Variants in NXPE2 observed in about 807,000 individuals in gnomAD.
NXPE2 encodes neurexophilin and PC-esterase domain family member 2.
A neutral mutation model predicts 34.4 loss-of-function variants in NXPE2; 34 were observed. The observed-to-expected ratio is 0.99, with a 90% CI of 0.75 to 1.31. The LOEUF is 1.31. NXPE2 is among the 40% of genes most tolerant of loss of function. NXPE2 has a pLI of 0.00. For missense variants in NXPE2, 649 were observed against 672.5 expected (o/e 0.97, Z 0.39); for synonymous variants, 235 against 231.3 (o/e 1.02, Z -0.15).
At chr11:114,725,976 A>AAAATATATATATATATATATATATAT in the NXPE2 span, among the ~76,000 whole-genome samples, 40 of 101,706 alleles carry the variant, frequency 3.9e-4, 1 homozygote, top group East Asian at 1.8e-3. Context: ...ATAAAAAAAA[A>AAAATATATATATATATATATATATAT]ATATATATAT....
At chr11:114,580,424 C>A in the NXPE2 span, 3 of 1,085,990 alleles carry the variant, frequency 2.8e-6, no homozygotes, top group Non-Finnish European at 4.2e-6. Flanking sequence ...CTCTAAGTAT[C>A]CTAAGAGGGG....
intron 2 of NXPE2, among the ~76,000 whole-genome samples, chr11:114,688,713 C>G (rs1377011246): frequency 6.6e-6 from 1 of 151,930 alleles, no homozygotes; most frequent in Non-Finnish European, 1.5e-5. Context: ...TCCATGTAAT[C>G]CAGGGCTTTT....
the NXPE2 span, among the ~76,000 whole-genome samples, chr11:114,639,742 T>A: frequency 0.18 from 21,176 of 116,894 alleles, 2,473 homozygotes; most frequent in Non-Finnish European, 0.22. Context: ...TATAAAATAA[T>A]ATATAATATA....
the NXPE2 span, among the ~76,000 whole-genome samples, chr11:114,667,955 CA>C: frequency 6.6e-6 from 1 of 151,748 alleles, no homozygotes; most frequent in Non-Finnish European, 1.5e-5. Flanking sequence ...AACTAATACA[CA>C]GAGGATACAG....
At chr11:114,643,230 T>C in the NXPE2 span, among the ~76,000 whole-genome samples, 6 of 152,142 alleles carry the variant, frequency 3.9e-5, no homozygotes, top group Admixed American at 3.9e-4. Flanking sequence ...GATGATAGTT[T>C]CTTTTGCTGT....
chr11:114,632,712 A>T, the NXPE2 span, among the ~76,000 whole-genome samples: 4 of 74,468 alleles, frequency 5.4e-5, no homozygotes, highest in Non-Finnish European at 6.8e-5. Flanking sequence ...ATAATATAAT[A>T]TAATATATAT....
the NXPE2 span, among the ~76,000 whole-genome samples, chr11:114,637,698 T>C: frequency 2.0e-5 from 3 of 151,050 alleles, no homozygotes; most frequent in Non-Finnish European, 4.4e-5. Context: ...GTCTGTAAAG[T>C]ATTGTATTTC....
chr11:114,583,315 T>C, the NXPE2 span: 1 of 625,150 alleles, frequency 1.6e-6, no homozygotes, highest in South Asian at 1.6e-5. Context: ...GTGTTGGAAA[T>C]TACTATTATG....
At chr11:114,607,423 G>A in the NXPE2 span, among the ~76,000 whole-genome samples, 1 of 151,770 alleles carries the variant, frequency 6.6e-6, no homozygotes, top group South Asian at 2.1e-4. Flanking sequence ...TGGATAATAT[G>A]TATTTCCTCG....
chr11:114,478,587 C>G, the NXPE2 span, among the ~76,000 whole-genome samples: 292 of 152,200 alleles, frequency 1.9e-3, no homozygotes, highest in African/African-American at 6.8e-3. Flanking sequence ...AAGTATATTT[C>G]TGTTCATTTG....
At chr11:114,580,976 A>G in the NXPE2 span, among the ~76,000 whole-genome samples, 2 of 152,296 alleles carry the variant, frequency 1.3e-5, no homozygotes, top group Non-Finnish European at 2.9e-5. Context: ...ATCAACTGAG[A>G]GAAGTAGTTT....
chr11:114,493,755 G>A, the NXPE2 span, among the ~76,000 whole-genome samples: 34 of 151,782 alleles, frequency 2.2e-4, no homozygotes, highest in East Asian at 5.2e-3. Context: ...CTACAATTAC[G>A]GTGTTATAAT....
the NXPE2 span, among the ~76,000 whole-genome samples, chr11:114,713,470 A>G: frequency 2.0e-5 from 3 of 152,184 alleles, no homozygotes; most frequent in Non-Finnish European, 4.4e-5. Context: ...CAGGACACCT[A>G]TGTAGATGAA....
chr11:114,605,826 A>T, the NXPE2 span, among the ~76,000 whole-genome samples: 11 of 151,818 alleles, frequency 7.2e-5, no homozygotes, highest in Non-Finnish European at 1.5e-4. Context: ...CGCAGTGGAA[A>T]ACAAGTATTG....
At chr11:114,552,853 C>G in the NXPE2 span, 945 of 974,672 alleles carry the variant, frequency 9.7e-4, no homozygotes, top group Non-Finnish European at 1.1e-3. Flanking sequence ...GGTACTTACC[C>G]AATAGGTGTC....
the NXPE2 span, among the ~76,000 whole-genome samples, chr11:114,790,937 C>T: frequency 1.8e-4 from 26 of 143,304 alleles, no homozygotes; most frequent in Admixed American, 1.7e-3. Context: ...AGCACATGCC[C>T]TCCTGACCTC....
chr11:114,571,035 G>A, the NXPE2 span: 4 of 1,613,060 alleles, frequency 2.5e-6, no homozygotes, highest in Non-Finnish European at 3.4e-6. Flanking sequence ...TATATCCCAG[G>A]CATCAATGAT....
At chr11:114,627,479 T>C in the NXPE2 span, among the ~76,000 whole-genome samples, 2 of 151,074 alleles carry the variant, frequency 1.3e-5, no homozygotes, top group African/African-American at 4.9e-5. Context: ...TGAGAGATTT[T>C]GTCACCACCA....
At position 114,705,998 on chromosome 11, in the gene NXPE2, T is replaced by A; in HGVS notation, c.1144+2T>A. The A allele has an allele frequency of 7.7e-7, 1 of 1,294,630 alleles. No homozygotes were observed. The highest frequency in any genetic ancestry group is 1.0e-6 in the Non-Finnish European group (1 of 996,932). 80.2% of individuals were successfully genotyped at this position (1,294,630 alleles called of 1,614,324 possible). On this transcript the variant is annotated splice_donor_variant, in intron 5 of 5. Coordinates refer to ENST00000389586, the MANE Select transcript of NXPE2 (RefSeq NM_182495.6). LOFTEE classifies it high-confidence loss of function. ...ACTACTTACAAAAAGCTGTGAAAAGTATGTATTTAATTTATATTTTGAAAT... is the reference window on the plus strand; with the variant it reads ...ACTACTTACAAAAAGCTGTGAAAAGAATGTATTTAATTTATATTTTGAAAT...
Sources: allele counts gnomAD v4.1 joint callset (sites outside exome capture counted in the v4.1 genomes callset), GRCh38; gene constraint gnomAD v4.1.1; transcripts MANE v1.5; gene names NCBI Gene and HGNC (gene_info 2026-07-23, HGNC 2026-07-21).